The following LPP variants were observed in gnomAD, a reference collection of about 807,000 sequenced individuals.
The protein encoded by LPP is LIM domain containing preferred translocation partner in lipoma.
LPP carries 38 observed loss-of-function variants against 60.4 expected under a neutral mutation model. That is an observed-to-expected ratio of 0.63 (90% CI 0.49 to 0.83). The LOEUF (loss-of-function observed/expected upper bound fraction) is 0.83, where lower values mean the gene tolerates loss of function less well. Ranked by LOEUF, LPP falls within the 40% of genes least tolerant of loss-of-function variation. LPP has a pLI of 0.00. For synonymous variants in LPP, 328 were observed against 290.8 expected (o/e 1.13, Z -1.30); for missense variants, 902 against 783.6 (o/e 1.15, Z -1.80).
intron 4 of LPP, among the ~76,000 whole-genome samples, chr3:188,433,705 T>C (rs974434264): frequency 1.8e-5 from 2 of 113,200 alleles, no homozygotes; most frequent in African/African-American, 3.5e-5. Context: ...AGAGAGATGA[T>C]GGAGAAGAGA....
chr3:188,289,906 TA>T (rs1249809598), intron 2 of LPP, among the ~76,000 whole-genome samples: 2 of 152,164 alleles, frequency 1.3e-5, no homozygotes, highest in East Asian at 3.8e-4. Flanking sequence ...ATAATGAGAA[TA>T]AATTACAAAA....
intron 2 of LPP, among the ~76,000 whole-genome samples, chr3:188,297,852 G>T (rs997924630): frequency 6.6e-6 from 1 of 152,166 alleles, no homozygotes; most frequent in African/African-American, 2.4e-5. Context: ...GAGGTACTTA[G>T]TTGAGCTCAC....
chr3:188,251,934 A>C (rs1159073969), intron 2 of LPP, among the ~76,000 whole-genome samples: 1 of 150,212 alleles, frequency 6.7e-6, no homozygotes, highest in Non-Finnish European at 1.5e-5. Flanking sequence ...CTAAACCAAA[A>C]GAAGTGCCAG....
chr3:188,705,760 G>A (rs147151256), intron 7 of LPP, among the ~76,000 whole-genome samples: 1 of 151,960 alleles, frequency 6.6e-6, no homozygotes, highest in Non-Finnish European at 1.5e-5. Context: ...GGGATTACAG[G>A]CGTGCATTAT....
At chr3:188,417,915 GT>G (rs1786749521) in intron 4 of LPP, among the ~76,000 whole-genome samples, 2 of 152,062 alleles carry the variant, frequency 1.3e-5, no homozygotes, top group South Asian at 4.1e-4. Context: ...ATCATTTTTT[GT>G]TTTGTTTTGC....
At chr3:188,209,856 T>C (rs1054803392) in intron 1 of LPP, among the ~76,000 whole-genome samples, 1 of 152,202 alleles carries the variant, frequency 6.6e-6, no homozygotes, top group Non-Finnish European at 1.5e-5. Flanking sequence ...ATATGCTGAA[T>C]GGACTGCTTA....
intron 4 of LPP, among the ~76,000 whole-genome samples, chr3:188,449,886 C>T (rs1796194529): frequency 6.6e-6 from 1 of 152,134 alleles, no homozygotes; most frequent in Non-Finnish European, 1.5e-5. Flanking sequence ...CTCACTGCAA[C>T]CTCTGCCTCC....
intron 3 of LPP, among the ~76,000 whole-genome samples, chr3:188,363,905 C>CAAAAA (rs541715135): frequency 9.3e-4 from 90 of 96,858 alleles, no homozygotes; most frequent in Non-Finnish European, 1.3e-3. Flanking sequence ...AACTCCCTCC[C>CAAAAA]AAAAAAAAAA....
At chr3:188,348,799 A>G (rs897445337) in intron 3 of LPP, among the ~76,000 whole-genome samples, 8 of 151,058 alleles carry the variant, frequency 5.3e-5, no homozygotes, top group African/African-American at 1.9e-4. Flanking sequence ...CCCTATTTCA[A>G]GGCTATTGCT....
intron 3 of LPP, among the ~76,000 whole-genome samples, chr3:188,356,368 G>A (rs1767610160): frequency 6.6e-6 from 1 of 152,108 alleles, no homozygotes; most frequent in African/African-American, 2.4e-5. Flanking sequence ...AAATTTAAGG[G>A]TGAAATTAGA....
At chr3:188,507,178 C>T (rs1388102011) in intron 5 of LPP, among the ~76,000 whole-genome samples, 1 of 152,120 alleles carries the variant, frequency 6.6e-6, no homozygotes, top group South Asian at 2.1e-4. Context: ...CTTTCTTCGA[C>T]TGTGCAATAG....
At chr3:188,317,565 T>G (rs567671012) in intron 2 of LPP, among the ~76,000 whole-genome samples, 6 of 152,308 alleles carry the variant, frequency 3.9e-5, no homozygotes, top group African/African-American at 1.2e-4. Context: ...AGAAAATGTT[T>G]TCTTAACCAC....
At chr3:188,372,422 C>T (rs959703759) in intron 3 of LPP, among the ~76,000 whole-genome samples, 3 of 151,982 alleles carry the variant, frequency 2.0e-5, no homozygotes, top group Non-Finnish European at 4.4e-5. Context: ...TGAAAATAAA[C>T]AACTGGTTAA....
chr3:188,863,026 A>G (rs1164424284), intron 9 of LPP, among the ~76,000 whole-genome samples: 1 of 152,102 alleles, frequency 6.6e-6, no homozygotes, highest in Admixed American at 6.6e-5. Context: ...ACCATTAGCA[A>G]TTTCTAGAAT....
intron 4 of LPP, among the ~76,000 whole-genome samples, chr3:188,465,928 T>G (rs1275086408): frequency 6.6e-6 from 1 of 152,170 alleles, no homozygotes; most frequent in Non-Finnish European, 1.5e-5. Context: ...GTCAGAAAGT[T>G]CTCACGTGTT....
chr3:188,395,386 T>C (rs1780682205), intron 3 of LPP, among the ~76,000 whole-genome samples: 1 of 151,810 alleles, frequency 6.6e-6, no homozygotes, highest in Admixed American at 6.6e-5. Flanking sequence ...TCCCAGCTAA[T>C]GTTTTTTAGA....
chr3:188,404,853 GCTGGAGAGCT>G (rs1783069428), intron 3 of LPP, among the ~76,000 whole-genome samples: 1 of 152,190 alleles, frequency 6.6e-6, no homozygotes, highest in Admixed American at 6.5e-5. Flanking sequence ...GCGTCCCTGT[GCTGGAGAGCT>G]CTTGCAATCA....
chr3:188,824,732 C>T (rs1308025529), intron 9 of LPP, among the ~76,000 whole-genome samples: 2 of 152,166 alleles, frequency 1.3e-5, no homozygotes, highest in African/African-American at 4.8e-5. Flanking sequence ...GATCAGCAGA[C>T]TTGCTTATTC....
intron 3 of LPP, among the ~76,000 whole-genome samples, chr3:188,346,251 CTTTTTTTTTTTT>C (rs1050679907): frequency 5.7e-5 from 5 of 88,344 alleles, no homozygotes; most frequent in African/African-American, 1.0e-4. Flanking sequence ...AGTAGCAAAT[CTTTTTTTTTTTT>C]TTTTTTTTTT....
Sources: allele counts gnomAD v4.1 joint callset (sites outside exome capture counted in the v4.1 genomes callset), GRCh38; gene constraint gnomAD v4.1.1; transcripts MANE v1.5; gene names NCBI Gene and HGNC (gene_info 2026-07-23, HGNC 2026-07-21).